Variants in ACER3 observed in about 807,000 individuals in gnomAD.
The protein encoded by ACER3 is alkaline ceramidase 3.
A neutral mutation model predicts 48.9 loss-of-function variants in ACER3; 16 were observed. The observed-to-expected ratio is 0.33, with a 90% CI of 0.22 to 0.50. The LOEUF (loss-of-function observed/expected upper bound fraction) is 0.50, where lower values mean the gene tolerates loss of function less well. ACER3 is among the 20% of genes least tolerant of loss of function. The pLI is 0.98. For missense variants in ACER3, 227 were observed against 326.0 expected, an observed-to-expected ratio of 0.70 and a Z score of 2.34; for synonymous variants, 109 against 107.8, an observed-to-expected ratio of 1.01 and a Z score of -0.07.
intron 2 of ACER3, among the ~76,000 whole-genome samples, chr11:76,933,285 A>AT (rs1947068698): frequency 9.7e-6 from 1 of 103,104 alleles, no homozygotes; most frequent in African/African-American, 3.6e-5. Context: ...TATTTTTTTT[A>AT]TTTTTTTATT....
chr11:76,904,855 G>GTGTGTA (rs1378908188), intron 1 of ACER3, among the ~76,000 whole-genome samples: 1 of 151,816 alleles, frequency 6.6e-6, no homozygotes, highest in Non-Finnish European at 1.5e-5. Context: ...GTGTGTGTGT[G>GTGTGTA]TGTGTGTGTG....
intron 1 of ACER3, among the ~76,000 whole-genome samples, chr11:76,914,283 T>G (rs1361708801): frequency 6.6e-6 from 1 of 152,108 alleles, no homozygotes; most frequent in Admixed American, 6.5e-5. Context: ...GGGAGAAAAT[T>G]TTTGCAGTCT....
chr11:76,984,094 G>C (rs1477343171), intron 4 of ACER3, among the ~76,000 whole-genome samples: 1 of 152,034 alleles, frequency 6.6e-6, no homozygotes, highest in Non-Finnish European at 1.5e-5. Context: ...GGGCTCTAAT[G>C]ATTTTTAAAT....
At chr11:77,015,180 T>C in intron 8 of ACER3, 63 bp downstream of exon 8, 1 of 881,042 alleles carries the variant, frequency 1.1e-6, no homozygotes, top group South Asian at 1.5e-5. Flanking sequence ...TAGAGAATTT[T>C]ATAAACATAT....
At chr11:76,866,095 G>A (rs181253894) in intron 1 of ACER3, among the ~76,000 whole-genome samples, 2 of 152,014 alleles carry the variant, frequency 1.3e-5, no homozygotes, top group East Asian at 3.9e-4. Context: ...CAAAGTGCTG[G>A]AATTATAGGT....
chr11:76,970,307 A>G (rs1948264335), intron 3 of ACER3, among the ~76,000 whole-genome samples: 1 of 152,190 alleles, frequency 6.6e-6, no homozygotes, highest in African/African-American at 2.4e-5. Context: ...TATGCCATCT[A>G]ATAGGCTGCA....
At chr11:77,019,699 G>C in intron 9 of ACER3, 32 bp from the exon 10 acceptor site, 1 of 1,610,202 alleles carries the variant, frequency 6.2e-7, no homozygotes, top group South Asian at 1.1e-5. Flanking sequence ...AAATGAATCT[G>C]AAAAGCTTTC....
chr11:76,883,680 A>C (rs1047470578), intron 1 of ACER3, among the ~76,000 whole-genome samples: 1 of 151,958 alleles, frequency 6.6e-6, no homozygotes, highest in Non-Finnish European at 1.5e-5. Flanking sequence ...CCTGACCTCA[A>C]GTGATCCACC....
intron 1 of ACER3, among the ~76,000 whole-genome samples, chr11:76,908,131 G>A (rs2134707612): frequency 6.6e-6 from 1 of 151,494 alleles, no homozygotes; most frequent in Middle Eastern, 3.6e-3. Flanking sequence ...AGCTACTTGG[G>A]AGGCTGAGGT....
In ACER3 at chr11:76,936,806, C is replaced by G. The variant is rs566556721; in HGVS notation, c.214+10139C>G. Among the ~76,000 whole-genome samples, 253 of 152,068 alleles carry G rather than the reference C, an allele frequency of 1.7e-3. 1 individual carries two copies. Among genetic ancestry groups the G allele is most frequent in the Non-Finnish European group, 3.0e-3 (203 of 67,974 alleles). ...AATATTTGCTTGCTGCACCCTCCCC[C>G]ACCTGGGTTCAGGCAGTTCTCCTGC... On this transcript the variant is annotated intron_variant, in intron 2 of 10. Transcript: ENST00000532485.
intron 2 of ACER3, among the ~76,000 whole-genome samples, chr11:76,935,138 A>G (rs1356766626): frequency 6.6e-6 from 1 of 152,170 alleles, no homozygotes; most frequent in East Asian, 1.9e-4. Context: ...AGTAGAGTCT[A>G]CTGAATATTT....
chr11:76,910,121 TG>T (rs1268333673), intron 1 of ACER3, among the ~76,000 whole-genome samples: 1 of 43,000 alleles, frequency 2.3e-5, no homozygotes, highest in South Asian at 8.3e-4. Flanking sequence ...TGGGGCCTGT[TG>T]GGGGGTGGGG....
intron 2 of ACER3, among the ~76,000 whole-genome samples, chr11:76,943,997 T>C (rs997811904): frequency 3.3e-5 from 5 of 152,002 alleles, no homozygotes; most frequent in African/African-American, 1.2e-4. Flanking sequence ...TGATTTCTGT[T>C]TTCATAGAAT....
At chr11:76,938,257 C>T (rs998615793) in intron 2 of ACER3, among the ~76,000 whole-genome samples, 5 of 151,434 alleles carry the variant, frequency 3.3e-5, no homozygotes, top group Non-Finnish European at 5.9e-5. Flanking sequence ...TCAAGCGATT[C>T]GCTCACGTTG....
chr11:76,866,166 G>A (rs377517293), intron 1 of ACER3, among the ~76,000 whole-genome samples: 30 of 152,052 alleles, frequency 2.0e-4, no homozygotes, highest in South Asian at 1.5e-3. Context: ...TGGCAGTAGC[G>A]TCAGCATTCT....
chr11:76,971,774 C>T (rs1948313777), intron 3 of ACER3, among the ~76,000 whole-genome samples: 1 of 152,154 alleles, frequency 6.6e-6, no homozygotes. Context: ...CTGGCAAAGG[C>T]AGCCTTGTTA....
At chr11:77,016,821 T>C in intron 9 of ACER3, 42 bp downstream of exon 9, 2 of 1,105,244 alleles carry the variant, frequency 1.8e-6, no homozygotes, top group South Asian at 1.5e-5. Context: ...TAGAGTTTGT[T>C]GTTTTTTTTT....
intron 3 of ACER3, among the ~76,000 whole-genome samples, chr11:76,962,538 G>T (rs1948024827): frequency 6.6e-6 from 1 of 151,318 alleles, no homozygotes; most frequent in Non-Finnish European, 1.5e-5. Flanking sequence ...TTTTTTAAAG[G>T]TTTATTCTGA....
chr11:76,878,094 G>T (rs546677306), intron 1 of ACER3, among the ~76,000 whole-genome samples: 2 of 151,906 alleles, frequency 1.3e-5, no homozygotes, highest in South Asian at 4.2e-4. Flanking sequence ...ACATTTTGTT[G>T]TTTCCAGGTT....
Sources: gnomAD v4.1 joint callset for allele counts (sites outside exome capture counted in the v4.1 genomes callset) on GRCh38, gnomAD v4.1.1 for gene constraint, MANE v1.5 for transcripts, NCBI Gene and HGNC (gene_info 2026-07-23, HGNC 2026-07-21) for gene names.